The following DNAH17 variants were observed in gnomAD, a reference collection of about 807,000 sequenced individuals.
DNAH17 encodes dynein axonemal heavy chain 17.
DNAH17 carries 376 observed loss-of-function variants against 485.6 expected under a neutral mutation model. That is an observed-to-expected ratio of 0.77 (90% CI 0.71 to 0.84). The LOEUF is 0.84. Among genes scored for constraint, DNAH17 ranks in the 40% least tolerant of loss-of-function variants. DNAH17 has a pLI of 0.00. For missense variants in DNAH17, 6,370 were observed against 5,839.3 expected, an observed-to-expected ratio of 1.09 and a Z score of -2.96; for synonymous variants, 3,031 against 2,405.9, an observed-to-expected ratio of 1.26 and a Z score of -7.60.
chr17:78,468,931 A>G (rs1388937087), intron 54 of DNAH17, 48 bp from the exon 55 acceptor site: 1 of 1,573,922 alleles, frequency 6.4e-7, no homozygotes, highest in East Asian at 2.2e-5. Context: ...AAAGATGCTC[A>G]ATTAGAGACA....
At chr17:78,515,654 A>C (rs527397642) in intron 25 of DNAH17, among the ~76,000 whole-genome samples, 1 of 152,336 alleles carries the variant, frequency 6.6e-6, no homozygotes, top group Non-Finnish European at 1.5e-5. Context: ...AGGAAAGGTG[A>C]GTGATGCCTG....
In DNAH17 at chr17:78,459,212, G is replaced by A. The variant is rs1160738741; in HGVS notation, c.9654-4C>T. On this transcript the variant is annotated splice_region_variant and splice_polypyrimidine_tract_variant and intron_variant, in intron 60 of 80. Transcript: ENST00000389840. ...CGTCGGGTTGCCTTGGTAGGGCCTAGCGAGGGAACCAGAGGGCCGGAGTCG... is the reference window on the plus strand; with the variant it reads ...CGTCGGGTTGCCTTGGTAGGGCCTAACGAGGGAACCAGAGGGCCGGAGTCG... The A allele has an allele frequency of 1.9e-6, 3 of 1,613,480 alleles. No individual in the cohort carries two copies. Among genetic ancestry groups the A allele is most frequent in the Non-Finnish European group, 2.5e-6 (3 of 1,179,790 alleles).
intron 80 of DNAH17, 22 bp downstream of exon 80, chr17:78,425,324 G>C (rs1221161616): frequency 1.2e-6 from 2 of 1,606,408 alleles, no homozygotes; most frequent in African/African-American, 2.7e-5. Context: ...AGCTTCTGCA[G>C]ACAGACAAGA....
intron 63 of DNAH17, among the ~76,000 whole-genome samples, chr17:78,455,003 G>A (rs8074169): frequency 1.3e-3 from 193 of 152,092 alleles, no homozygotes; most frequent in African/African-American, 4.4e-3. Context: ...TCTGTCTCTC[G>A]AGTTCAAGAG....
intron 22 of DNAH17, among the ~76,000 whole-genome samples, 185 bp from the exon 23 acceptor site, chr17:78,527,181 G>A (rs867679238): frequency 6.6e-6 from 1 of 152,100 alleles, no homozygotes; most frequent in African/African-American, 2.4e-5. Flanking sequence ...CCAGGAGTTC[G>A]AGACCAGCCT....
In DNAH17 at chr17:78,501,296, A is replaced by G. The variant is rs1255858491; in HGVS notation, c.5371T>C (p.Trp1791Arg). 6.2e-7 allele frequency: 1 copy of G among 1,606,870 alleles called. No homozygotes were observed. Among genetic ancestry groups the G allele is most frequent in the South Asian group, 1.1e-5 (1 of 90,746 alleles). ...FTWQAQLRHRWDEEKRHCFAN... is the reference protein window; with the variant it reads ...FTWQAQLRHRRDEEKRHCFAN... The stretch of plus-strand genomic sequence containing the variant: ...AAGCAGTGTCGCTTCTCTTCGTCCC[A>G]GCGATGCCGGAGCTGGGCCTGCCAG... Residue 1791 changes from tryptophan (W) to arginine (R), a missense_variant, in exon 35 of 81, where the codon TGG (tryptophan) becomes CGG (arginine). Coordinates refer to ENST00000389840, the MANE Select transcript of DNAH17 (RefSeq NM_173628.4).
At chr17:78,547,479 T>C (rs181941091) in intron 16 of DNAH17, among the ~76,000 whole-genome samples, 25 of 152,338 alleles carry the variant, frequency 1.6e-4, no homozygotes, top group Non-Finnish European at 2.9e-4. Context: ...GATTGTAAAC[T>C]TTGGTCAGAA....
Position 78,428,361 on chromosome 17 carries a change from G to C in DNAH17, c.12588+164C>G, listed in dbSNP as rs2086552420. ...GCCACGTCTGAGGACCTGCTGACCA[G>C]CCTGCGGGCCATACCCCAGTGTTTC... On this transcript the variant is annotated intron_variant, in intron 77 of 80. Transcript: ENST00000389840. 7 of 826,146 alleles carry C rather than the reference G, an allele frequency of 8.5e-6. No individual in the cohort carries two copies. In the East Asian group the frequency reaches 1.9e-4, roughly 22 times the overall value. The allele number at this position is 826,146 out of a possible 1,614,324, so 51.2% of individuals were successfully genotyped here.
At position 78,485,199 on chromosome 17, in the gene DNAH17, G is replaced by A. The variant is rs1041161225; in HGVS notation, c.7484-166C>T. On this transcript the variant is annotated intron_variant, in intron 47 of 80. Transcript: ENST00000389840. ...GGGAGTGGCCCTTGAGGGGGCACCG[G>A]GTACAGCCCCAGGAATAAACAGAGC... is the stretch of plus-strand genomic sequence containing the variant. 5 of 827,684 alleles carry A rather than the reference G, an allele frequency of 6.0e-6. No homozygotes were observed. The African/African-American group carries it at 8.6e-5, about 14-fold the overall frequency. The allele number at this position is 827,684 out of a possible 1,614,324, so 51.3% of individuals were successfully genotyped here. A position where few individuals can be genotyped will look rare whatever the true frequency, so the allele number is the denominator to read the frequency against.
intron 66 of DNAH17, among the ~76,000 whole-genome samples, chr17:78,451,176 A>G (rs2087534214): frequency 1.3e-5 from 2 of 152,246 alleles, no homozygotes; most frequent in African/African-American, 4.8e-5. Flanking sequence ...CTTGCAGGGC[A>G]GCGCTTTGGA....
rs763893918 is a variant in DNAH17 at position 78,439,209 on chromosome 17, G to A, written c.11686C>T (p.Leu3896=). Residue 3896 remains leucine (L), a synonymous_variant, in exon 73 of 81, where the codon CTA becomes TTA. Transcript: ENST00000389840. ...LKDVEALGKK[L]GFTIDNGKLH... is the part of the protein sequence containing the mutation. ...TTTCCATTGTCTATGGTAAACCCTAGTTTTTTTCCTAAAGAAAAGAAAAAC... is the reference window on the plus strand; with the variant it reads ...TTTCCATTGTCTATGGTAAACCCTAATTTTTTTCCTAAAGAAAAGAAAAAC... 3.1e-6 allele frequency: 5 copies of A among 1,601,126 alleles called. No homozygotes were observed. In the South Asian group the frequency reaches 5.6e-5, roughly 18 times the overall value.
At chr17:78,537,886 C>A (rs1220980134) in intron 18 of DNAH17, among the ~76,000 whole-genome samples, 3 of 152,152 alleles carry the variant, frequency 2.0e-5, no homozygotes, top group South Asian at 2.1e-4. Flanking sequence ...TGCCTGTAAT[C>A]CCAGCACTTT....
chr17:78,461,311 T>C (rs995206726), intron 58 of DNAH17, among the ~76,000 whole-genome samples: 2 of 152,176 alleles, frequency 1.3e-5, no homozygotes, highest in Non-Finnish European at 2.9e-5. Context: ...GGGCTGAACA[T>C]GGAGGAGCTC....
intron 19 of DNAH17, among the ~76,000 whole-genome samples, chr17:78,533,497 G>T (rs2091294596): frequency 6.6e-6 from 1 of 152,194 alleles, no homozygotes; most frequent in Admixed American, 6.5e-5. Flanking sequence ...TCTACTGTCG[G>T]TGGCTAGAGC....
At chr17:78,477,940 CATCACCATT>C (rs1337650109) in intron 51 of DNAH17, among the ~76,000 whole-genome samples, 1 of 150,026 alleles carries the variant, frequency 6.7e-6, no homozygotes, top group African/African-American at 2.5e-5. Context: ...TCATCACCAC[CATCACCATT>C]ATCATCTCCA....
At chr17:78,509,502 TTA>T (rs1224501790) in intron 27 of DNAH17, among the ~76,000 whole-genome samples, 1 of 152,192 alleles carries the variant, frequency 6.6e-6, no homozygotes, top group Non-Finnish European at 1.5e-5. Flanking sequence ...GGTATGTGAA[TTA>T]TATCTAATAA....
chr17:78,444,206 C>T (rs1022964042), intron 71 of DNAH17, among the ~76,000 whole-genome samples: 1 of 152,182 alleles, frequency 6.6e-6, no homozygotes, highest in African/African-American at 2.4e-5. Flanking sequence ...TGTATGGCCT[C>T]AGTGCTTATT....
Position 78,570,280 on chromosome 17 carries a change from G to A in DNAH17, c.1011C>T (p.Ile337=). The A allele has an allele frequency of 6.3e-7, 1 of 1,595,562 alleles. No homozygotes were observed. The highest frequency in any genetic ancestry group is 8.5e-7 in the Non-Finnish European group (1 of 1,171,320). The change falls in exon 7 of 81, where the codon ATC becomes ATT. Residue 337 remains isoleucine (I), a synonymous_variant. Coordinates refer to ENST00000389840, the MANE Select transcript of DNAH17 (RefSeq NM_173628.4). ...TGATTTGGTTGCAGAACTCCTGCAG[G>A]ATGACGATGATCCTGGCAGGTGTGT... The part of the protein sequence containing the change: ...YYNTPARIIV[I]LQEFCNQIIE...
chr17:78,496,448 T>G (rs2090072971), intron 37 of DNAH17, among the ~76,000 whole-genome samples: 1 of 118,866 alleles, frequency 8.4e-6, no homozygotes. Flanking sequence ...ACAGTACCAG[T>G]CACAGCGGGG....
Sources: allele counts gnomAD v4.1 joint callset (sites outside exome capture counted in the v4.1 genomes callset), GRCh38; gene constraint gnomAD v4.1.1; transcripts MANE v1.5; gene names NCBI Gene and HGNC (gene_info 2026-07-23, HGNC 2026-07-21).